Variants in SV2B observed in about 807,000 individuals in gnomAD.
SV2B encodes the protein synaptic vesicle glycoprotein 2B.
A neutral mutation model predicts 73.9 loss-of-function variants in SV2B; 41 were observed. The observed-to-expected ratio is 0.56, with a 90% confidence interval of 0.43 to 0.72. The LOEUF (loss-of-function observed/expected upper bound fraction) is 0.72, where lower values mean the gene tolerates loss of function less well. SV2B is among the 30% of genes least tolerant of loss of function. The pLI is 0.00. For synonymous variants in SV2B, 314 were observed against 314.2 expected (o/e 1.00, Z 0.01); for missense variants, 764 against 857.8 (o/e 0.89, Z 1.37).
In SV2B at chr15:91,280,612, A is replaced by T. The variant is rs1303914413; in HGVS notation, c.1374-1116A>T. On this transcript the variant is annotated intron_variant, in intron 9 of 12. Transcript: ENST00000394232. This position sits in a 1 kb window ranked among gnomAD's most constrained non-coding sequence, Gnocchi z 5.8. ...AGCCAACAGAGGAAGATGGTAATGT[A>T]TGTGAGATACATTTTTAAATGTTGC... is the stretch of plus-strand genomic sequence containing the variant. Among the ~76,000 whole-genome samples the T allele has an allele frequency of 6.6e-6, 1 of 152,262 alleles. No homozygotes were observed. Among genetic ancestry groups the T allele is most frequent in the Non-Finnish European group, 1.5e-5 (1 of 68,042 alleles).
chr15:91,165,362 G>T (rs1478328279), intron 1 of SV2B, among the ~76,000 whole-genome samples: 1 of 152,126 alleles, frequency 6.6e-6, no homozygotes, highest in Non-Finnish European at 1.5e-5. Flanking sequence ...AAGGATGGTT[G>T]TATCAGTATT....
At chr15:91,190,326 A>C (rs2044960198) in intron 1 of SV2B, among the ~76,000 whole-genome samples, 1 of 128,962 alleles carries the variant, frequency 7.8e-6, no homozygotes, top group Non-Finnish European at 1.7e-5. Flanking sequence ...TTTCATTTTC[A>C]GTGTTTTCTT....
chr15:91,131,763 G>A (rs536078373), intron 1 of SV2B, among the ~76,000 whole-genome samples: 1 of 152,334 alleles, frequency 6.6e-6, no homozygotes, highest in South Asian at 2.1e-4. Flanking sequence ...AGGAGTTTGA[G>A]ACCAGCCTGG....
Position 91,289,773 on chromosome 15 carries a change from A to G in SV2B, c.1868+93A>G, listed in dbSNP as rs1596803365. 35 of 1,354,950 alleles carry G rather than the reference A, an allele frequency of 2.6e-5. No homozygotes were observed. The East Asian group carries it at 6.3e-4, about 25-fold the overall frequency. 83.9% of individuals were successfully genotyped at this position (1,354,950 alleles called of 1,614,324 possible). A position where few individuals can be genotyped will look rare whatever the true frequency, so the allele number is the denominator to read the frequency against. On this transcript the variant is annotated intron_variant, in intron 12 of 12. Transcript: ENST00000394232. This position sits in a 1 kb window ranked among gnomAD's most constrained non-coding sequence, Gnocchi z 4.9. The stretch of plus-strand genomic sequence containing the variant: ...CCTAAATCTCATGCTGTGCATGGCC[A>G]TCGTGGTCTTTCTGCTGTTCCGTGA...
chr15:91,129,136 A>C lies in SV2B; in HGVS notation c.-392+28773A>C, dbSNP rs532665361. 2.0e-5 allele frequency among the ~76,000 whole-genome samples: 3 copies of C among 152,330 alleles called. No homozygotes were observed. In the South Asian group the frequency reaches 6.2e-4, roughly 32 times the overall value. ...ACAGGAGTGAAATAATCCCAGCGACAGCGTATGTGTGAGATCCTTGGGATC... is the reference window on the plus strand; with the variant it reads ...ACAGGAGTGAAATAATCCCAGCGACCGCGTATGTGTGAGATCCTTGGGATC... On this transcript the variant is annotated intron_variant, in intron 1 of 12. Coordinates refer to ENST00000394232, the MANE Select transcript of SV2B (RefSeq NM_001323032.3). The surrounding 1 kb of genome is among the most constrained non-coding windows in gnomAD (Gnocchi z 5.1).
At position 91,122,169 on chromosome 15, in the gene SV2B, A is replaced by T. The variant is rs2042358650; in HGVS notation, c.-392+21806A>T. Among the ~76,000 whole-genome samples the T allele has an allele frequency of 6.6e-6, 1 of 152,030 alleles. No individual in the cohort carries two copies. The highest frequency in any genetic ancestry group is 1.5e-5 in the Non-Finnish European group (1 of 68,008). On this transcript the variant is annotated intron_variant, in intron 1 of 12. Coordinates refer to ENST00000394232, the MANE Select transcript of SV2B (RefSeq NM_001323032.3). This position sits in a 1 kb window ranked among gnomAD's most constrained non-coding sequence, Gnocchi z 4.3. ...ATGTGCTAAACCATCTCCTCTTTGG[A>T]CTCCCACTATCTCAGCTACTAGAAA...
rs1567386907 is a variant in SV2B at position 91,246,086 on chromosome 15, C to CAAAA, written c.452-5733_452-5732insAAAA. Among the ~76,000 whole-genome samples, 260 of 151,336 alleles carry CAAAA rather than the reference C, an allele frequency of 1.7e-3. 2 individuals are homozygous for CAAAA. Among genetic ancestry groups the CAAAA allele is most frequent in the African/African-American group, 5.9e-3 (243 of 41,188 alleles). The stretch of plus-strand genomic sequence containing the variant: ...TTAGCAAAAAAAAAAAAAAAAAATC[C>CAAAA]CCCCTTCAAAGTCTTGTTAGAGGAA... On this transcript the variant is annotated intron_variant, in intron 2 of 12. Transcript: ENST00000394232.
At chr15:91,104,895 G>A (rs1011563532) in intron 1 of SV2B, among the ~76,000 whole-genome samples, 9 of 152,328 alleles carry the variant, frequency 5.9e-5, no homozygotes, top group East Asian at 5.8e-4. Flanking sequence ...GCCTCCCAAA[G>A]TGCTGGGATT....
chr15:91,132,652 C>T lies in SV2B; in HGVS notation c.-392+32289C>T, dbSNP rs1041150259. ...TCCTTTTGATTTAGTTCTAGGAAGT[C>T]GGTATGAAACATTTAGGTTTTTTGC... On this transcript the variant is annotated intron_variant, in intron 1 of 12. Transcript: ENST00000394232. The surrounding 1 kb of genome is among the most constrained non-coding windows in gnomAD (Gnocchi z 4.6). Among the ~76,000 whole-genome samples, 2 of 152,046 alleles carry T rather than the reference C, an allele frequency of 1.3e-5. No homozygotes were observed. The highest frequency in any genetic ancestry group is 1.3e-4 in the Admixed American group (2 of 15,272).
At chr15:91,172,617 C>T (rs901261141) in intron 1 of SV2B, among the ~76,000 whole-genome samples, 2 of 152,182 alleles carry the variant, frequency 1.3e-5, no homozygotes, top group Admixed American at 6.5e-5. Flanking sequence ...GGAAGTCTCC[C>T]GTCCTCCCCC....
At chr15:91,272,015 T>A (rs185666824) in intron 9 of SV2B, among the ~76,000 whole-genome samples, 143 of 152,286 alleles carry the variant, frequency 9.4e-4, no homozygotes, top group African/African-American at 3.2e-3. Flanking sequence ...CAAAGGAAAT[T>A]CTATTGAAAC....
At chr15:91,153,429 G>A (rs781006437) in intron 1 of SV2B, among the ~76,000 whole-genome samples, 6 of 152,138 alleles carry the variant, frequency 3.9e-5, no homozygotes, top group South Asian at 4.1e-4. Flanking sequence ...GTGCCACCAC[G>A]TTTTAGGTCT....
rs566056619 is a variant in SV2B at position 91,297,209 on chromosome 15, T to C, written c.*4657T>C. On this transcript the variant is annotated 3_prime_UTR_variant, in exon 13 of 13. Coordinates refer to ENST00000394232, the MANE Select transcript of SV2B (RefSeq NM_001323032.3). The surrounding 1 kb of genome is among the most constrained non-coding windows in gnomAD (Gnocchi z 5.1). ...ACTGAGGCTGCCTCATGGGCTGAGA[T>C]GGCTGTTGAAGCACTGAACCTCACA... is the stretch of plus-strand genomic sequence containing the variant. 6.6e-6 allele frequency: 1 copy of C among 152,668 alleles called. No homozygotes were observed. The highest frequency in any genetic ancestry group is 2.0e-4 in the South Asian group (1 of 4,886). 9.5% of individuals were successfully genotyped at this position (152,668 alleles called of 1,614,324 possible). A position where few individuals can be genotyped will look rare whatever the true frequency, so the allele number is the denominator to read the frequency against.
Position 91,287,007 on chromosome 15 carries a change from G to A in SV2B, c.1709-2514G>A, listed in dbSNP as rs140233843. Reference sequence around the variant, plus strand: ...CATTTACTGTAAGCCAAGCCCCATGGCTGGCCCCTCTGAGGGATGCATGCA... The same window carrying A: ...CATTTACTGTAAGCCAAGCCCCATGACTGGCCCCTCTGAGGGATGCATGCA... On this transcript the variant is annotated intron_variant, in intron 11 of 12. Transcript: ENST00000394232. Among the ~76,000 whole-genome samples the A allele has an allele frequency of 2.6e-4, 39 of 152,290 alleles. 1 individual carries two copies. The highest frequency in any genetic ancestry group is 9.1e-4 in the African/African-American group (38 of 41,558).
chr15:91,162,571 A>G (rs1275187537), intron 1 of SV2B, among the ~76,000 whole-genome samples: 1 of 152,152 alleles, frequency 6.6e-6, no homozygotes, highest in Non-Finnish European at 1.5e-5. Flanking sequence ...TCTGGCATGG[A>G]AGTGGACTGG....
rs1280955113 is a variant in SV2B at position 91,294,594 on chromosome 15, AAG to A, written c.*2046_*2047del. Reference sequence around the variant, plus strand: ...ATGAATACAGTGGCTAGGTTCATAAAAGAGAATTGTGTGAGTCTGGGATTACC... The same window carrying A: ...ATGAATACAGTGGCTAGGTTCATAAAAGAATTGTGTGAGTCTGGGATTACC... On this transcript the variant is annotated 3_prime_UTR_variant, in exon 13 of 13. Transcript: ENST00000394232. The surrounding 1 kb of genome is among the most constrained non-coding windows in gnomAD (Gnocchi z 4.1). 1 of 151,840 alleles carries A rather than the reference AAG, an allele frequency of 6.6e-6. No homozygotes were observed. The highest frequency in any genetic ancestry group is 2.4e-5 in the African/African-American group (1 of 41,120). 9.4% of individuals were successfully genotyped at this position (151,840 alleles called of 1,614,324 possible). A position where few individuals can be genotyped will look rare whatever the true frequency, so the allele number is the denominator to read the frequency against.
intron 1 of SV2B, among the ~76,000 whole-genome samples, chr15:91,203,769 G>A (rs17693473): frequency 0.026 from 3,887 of 152,238 alleles, 132 homozygotes; most frequent in East Asian, 0.11. Flanking sequence ...AAGTTCCTGC[G>A]TGTTAAATCT....
intron 1 of SV2B, among the ~76,000 whole-genome samples, chr15:91,204,536 T>C (rs2045567306): frequency 6.6e-6 from 1 of 151,734 alleles, no homozygotes; most frequent in Admixed American, 6.6e-5. Context: ...TGGCCACTTA[T>C]TTCTTTTCTT....
intron 1 of SV2B, among the ~76,000 whole-genome samples, chr15:91,142,278 A>C (rs2043018554): frequency 6.6e-6 from 1 of 151,818 alleles, no homozygotes. Context: ...CAATTTAATT[A>C]CCTCTTTTGC....
Sources: allele counts gnomAD v4.1 joint callset (sites outside exome capture counted in the v4.1 genomes callset), GRCh38; gene constraint gnomAD v4.1.1; non-coding constraint Gnocchi (gnomAD v3.1); transcripts MANE v1.5; gene names NCBI Gene and HGNC (gene_info 2026-07-23, HGNC 2026-07-21).